Variants in SNX13 observed in about 807,000 individuals in gnomAD.
SNX13 encodes the protein sorting nexin-13.
In SNX13, 45 loss-of-function variants were observed where a neutral mutation model predicts 133.6. The observed-to-expected ratio is 0.34, with a 90% CI of 0.27 to 0.43. SNX13 has a LOEUF of 0.43. SNX13 is among the 20% of genes least tolerant of loss of function. The probability of loss-of-function intolerance (pLI) is 1.00; values close to 1 mark genes in which losing one functional copy is unlikely to be tolerated. For missense variants in SNX13, 1,032 were observed against 1,145.1 expected (o/e 0.90, Z 1.43); for synonymous variants, 414 against 373.9 (o/e 1.11, Z -1.24).
chr7:17,817,377 C>A (rs1239185289), intron 18 of SNX13, among the ~76,000 whole-genome samples: 2 of 152,132 alleles, frequency 1.3e-5, no homozygotes, highest in Admixed American at 1.3e-4. Flanking sequence ...TGATACATAT[C>A]CTAAAGCGAA....
intron 9 of SNX13, among the ~76,000 whole-genome samples, chr7:17,861,998 G>A (rs189337313): frequency 6.6e-6 from 1 of 152,294 alleles, no homozygotes; most frequent in African/African-American, 2.4e-5. Context: ...GGTTTCTGCA[G>A]AACCATCAGT....
At chr7:17,876,574 C>CCCA (rs1794753951) in intron 5 of SNX13, among the ~76,000 whole-genome samples, 2 of 120,810 alleles carry the variant, frequency 1.7e-5, no homozygotes, top group Non-Finnish European at 1.8e-5. Flanking sequence ...GCTATCTCAT[C>CCCA]AAAAAAAAAA....
At chr7:17,866,931 T>A (rs1394168551) in intron 9 of SNX13, among the ~76,000 whole-genome samples, 1 of 152,194 alleles carries the variant, frequency 6.6e-6, no homozygotes, top group Non-Finnish European at 1.5e-5. Flanking sequence ...GATTTGAACA[T>A]TATACATTGT....
chr7:17,849,631 G>A (rs1790968294), intron 11 of SNX13, among the ~76,000 whole-genome samples: 1 of 152,036 alleles, frequency 6.6e-6, no homozygotes, highest in Non-Finnish European at 1.5e-5. Context: ...TAACCCCCCG[G>A]TTCTTCTATG....
At chr7:17,885,125 G>T (rs1281574807) in intron 5 of SNX13, among the ~76,000 whole-genome samples, 2 of 152,106 alleles carry the variant, frequency 1.3e-5, no homozygotes, top group Non-Finnish European at 2.9e-5. Context: ...AAAAACAAAT[G>T]TGGTATGTGT....
chr7:17,806,337 ATG>A (rs1314857734), intron 20 of SNX13, among the ~76,000 whole-genome samples: 1 of 152,202 alleles, frequency 6.6e-6, no homozygotes, highest in Admixed American at 6.5e-5. Flanking sequence ...GACCAAATTA[ATG>A]TGTTATAAAG....
intron 1 of SNX13, among the ~76,000 whole-genome samples, chr7:17,934,590 C>T (rs921608030): frequency 6.6e-6 from 1 of 152,170 alleles, no homozygotes; most frequent in African/African-American, 2.4e-5. Context: ...TCTACCAGAG[C>T]TGGGATACAC....
chr7:17,819,288 C>G (rs1228018877), intron 18 of SNX13, among the ~76,000 whole-genome samples: 1 of 152,044 alleles, frequency 6.6e-6, no homozygotes, highest in African/African-American at 2.4e-5. Context: ...ACTCTGTCAC[C>G]CAGGCTGGAG....
At chr7:17,871,319 AACAGAGAAAAAAAGG>A (rs1370873142) in intron 8 of SNX13, among the ~76,000 whole-genome samples, 2 of 152,118 alleles carry the variant, frequency 1.3e-5, no homozygotes, top group Admixed American at 6.5e-5. Context: ...AATCATTCTT[AACAGAGAAAAAAAGG>A]ACATGAGAGG....
intron 2 of SNX13, among the ~76,000 whole-genome samples, chr7:17,896,557 G>A (rs1455861441): frequency 6.6e-6 from 1 of 152,010 alleles, no homozygotes; most frequent in Non-Finnish European, 1.5e-5. Flanking sequence ...AATATCTGGG[G>A]TCTCAAAAGA....
At chr7:17,855,010 G>GA (rs1276567120) in intron 9 of SNX13, among the ~76,000 whole-genome samples, 2 of 152,142 alleles carry the variant, frequency 1.3e-5, no homozygotes, top group Non-Finnish European at 2.9e-5. Context: ...GTTCTTCAGG[G>GA]AAATTAAAAG....
intron 12 of SNX13, among the ~76,000 whole-genome samples, chr7:17,842,058 G>C (rs1204969673): frequency 6.6e-6 from 1 of 151,936 alleles, no homozygotes; most frequent in East Asian, 1.9e-4. Flanking sequence ...GAAACAGGCA[G>C]ATCATATTTG....
intron 21 of SNX13, among the ~76,000 whole-genome samples, chr7:17,802,384 T>C (rs1195525719): frequency 6.6e-6 from 1 of 152,126 alleles, no homozygotes; most frequent in East Asian, 1.9e-4. Flanking sequence ...TATAGTATGT[T>C]AATATGTTTA....
intron 13 of SNX13, among the ~76,000 whole-genome samples, chr7:17,836,010 C>G (rs1042224824): frequency 2.0e-5 from 3 of 151,920 alleles, no homozygotes; most frequent in Non-Finnish European, 4.4e-5. Flanking sequence ...CATTTGCCCT[C>G]TAAGCTCACT....
chr7:17,857,446 C>G (rs896852462), intron 9 of SNX13, among the ~76,000 whole-genome samples: 3 of 152,160 alleles, frequency 2.0e-5, no homozygotes, highest in African/African-American at 4.8e-5. Context: ...AAGAAAACTA[C>G]AAGCTCATCC....
chr7:17,921,706 C>A (rs1404967207), intron 1 of SNX13, among the ~76,000 whole-genome samples: 1 of 152,162 alleles, frequency 6.6e-6, no homozygotes, highest in Non-Finnish European at 1.5e-5. Context: ...ACGCCACATA[C>A]AAATTAAATC....
intron 9 of SNX13, among the ~76,000 whole-genome samples, chr7:17,862,376 T>C (rs758111869): frequency 1.2e-4 from 19 of 152,204 alleles, no homozygotes; most frequent in Non-Finnish European, 2.6e-4. Flanking sequence ...ATTTTGCATG[T>C]AAGTTTCTAC....
chr7:17,805,254 T>TGTGTGCGTGCGCGCGCGCGCGC (rs537620797), intron 20 of SNX13, among the ~76,000 whole-genome samples: 8 of 132,440 alleles, frequency 6.0e-5, no homozygotes, highest in Non-Finnish European at 1.1e-4. Flanking sequence ...TGTGTGTGCG[T>TGTGTGCGTGCGCGCGCGCGCGC]GCGCGCGCGC....
chr7:17,882,216 A>T (rs912892132), intron 5 of SNX13: 2 of 152,166 alleles, frequency 1.3e-5, no homozygotes, highest in Non-Finnish European at 2.9e-5. Context: ...GAGCTGGAGT[A>T]GGCAAACAAT....
Sources: gnomAD v4.1 joint callset for allele counts (sites outside exome capture counted in the v4.1 genomes callset) on GRCh38, gnomAD v4.1.1 for gene constraint, MANE v1.5 for transcripts, NCBI Gene and HGNC (gene_info 2026-07-23, HGNC 2026-07-21) for gene names.